ZNF462: variants seen among roughly 807,000 people sequenced by gnomAD.
ZNF462 encodes the protein zinc finger PBX1-interacting protein.
In ZNF462, 10 loss-of-function variants were observed where a neutral mutation model predicts 201.9. The ratio of observed to expected loss-of-function variants is 0.05; its 90% CI spans 0.03 to 0.08. The LOEUF (loss-of-function observed/expected upper bound fraction) is 0.08. Ranked by LOEUF, ZNF462 falls within the 10% of genes least tolerant of loss-of-function variation. ZNF462 has a pLI of 1.00. For synonymous variants in ZNF462, 1,227 were observed against 1,193.3 expected (o/e 1.03, Z -0.58); for missense variants, 2,523 against 3,168.3 (o/e 0.80, Z 4.89).
At chr9:106,953,693 A>C (rs528750861) in intron 7 of ZNF462, among the ~76,000 whole-genome samples, 3 of 152,122 alleles carry the variant, frequency 2.0e-5, no homozygotes, top group Admixed American at 2.0e-4. Context: ...CCCTCTTCTG[A>C]TGCCACCAAT....
rs1354438183 is a variant in ZNF462, at chr9:106,944,266, T to C, written c.6427+5159T>C. Among the ~76,000 whole-genome samples the C allele has an allele frequency of 2.6e-5, 4 of 152,328 alleles. No individual in the cohort carries two copies. In the South Asian group the frequency reaches 6.2e-4, roughly 24 times the overall value. ...GTTAAATTCAGATTCAAAGATGATA[T>C]AGCGATAAACTGACCAACAAAACTT... On this transcript the variant is annotated intron_variant, in intron 7 of 12. Coordinates refer to ENST00000277225, the MANE Select transcript of ZNF462 (RefSeq NM_021224.6).
At chr9:106,942,546 T>C (rs1177554428) in intron 7 of ZNF462, among the ~76,000 whole-genome samples, 2 of 152,232 alleles carry the variant, frequency 1.3e-5, no homozygotes, top group Admixed American at 1.3e-4. Flanking sequence ...ATGTAATTGC[T>C]ATTCTAAACA....
At chr9:106,911,113 A>AG (rs1381836429) in intron 1 of ZNF462, among the ~76,000 whole-genome samples, 1 of 152,118 alleles carries the variant, frequency 6.6e-6, no homozygotes, top group Non-Finnish European at 1.5e-5. Flanking sequence ...TTTTTAAGGG[A>AG]GGTAGGTATC....
At position 106,865,866 on chromosome 9, in the gene ZNF462, G is replaced by C. The variant is rs1431707596; in HGVS notation, c.-31+2511G>C. Among the ~76,000 whole-genome samples, 1 of 152,200 alleles carries C rather than the reference G, an allele frequency of 6.6e-6. No individual in the cohort carries two copies. Among genetic ancestry groups the C allele is most frequent in the Non-Finnish European group, 1.5e-5 (1 of 68,038 alleles). On this transcript the variant is annotated intron_variant, in intron 1 of 12. Coordinates refer to ENST00000277225, the MANE Select transcript of ZNF462 (RefSeq NM_021224.6). This position sits in a 1 kb window ranked among gnomAD's most constrained non-coding sequence, Gnocchi z 4.1. ...CCCTAGTCCACACACATTGATGGGAGCTCTTCACATATTAGTTTTAGAGAA... is the reference window on the plus strand; with the variant it reads ...CCCTAGTCCACACACATTGATGGGACCTCTTCACATATTAGTTTTAGAGAA...
intron 1 of ZNF462, 104 bp downstream of exon 1, chr9:106,863,459 A>T: frequency 4.2e-6 from 1 of 240,358 alleles, no homozygotes; most frequent in East Asian, 7.3e-5. Flanking sequence ...TCGGCCAAGG[A>T]GGGTTGGAGG....
chr9:106,974,009 ATT>A lies in ZNF462; in HGVS notation c.6696-120_6696-119del. On this transcript the variant is annotated intron_variant, in intron 8 of 12. Transcript: ENST00000277225. The surrounding 1 kb of genome is among the most constrained non-coding windows in gnomAD (Gnocchi z 4.0). The stretch of plus-strand genomic sequence containing the variant: ...GGTGGTCAACAAACATGATGAACAG[ATT>A]TTTTTTTAGCCCCACAAGCAGGAGA... 5 of 1,231,808 alleles carry A rather than the reference ATT, an allele frequency of 4.1e-6. No individual in the cohort carries two copies. In the South Asian group the frequency reaches 7.2e-5, roughly 18 times the overall value. The allele number at this position is 1,231,808 out of a possible 1,614,324, so 76.3% of individuals were successfully genotyped here. A position where few individuals can be genotyped will look rare whatever the true frequency, so the allele number is the denominator to read the frequency against.
rs1203072651 is a variant in ZNF462, at chr9:106,970,214, A to G, written c.6428-1791A>G. On this transcript the variant is annotated intron_variant, in intron 7 of 12. Coordinates refer to ENST00000277225, the MANE Select transcript of ZNF462 (RefSeq NM_021224.6). This position sits in a 1 kb window ranked among gnomAD's most constrained non-coding sequence, Gnocchi z 4.2. ...CCTTTGTCTTCCATTTACACCTGGT[A>G]ATGAACCTATGGAGGCTTGGAGACA... Among the ~76,000 whole-genome samples the G allele has an allele frequency of 3.3e-5, 5 of 152,214 alleles. No individual in the cohort carries two copies. The highest frequency in any genetic ancestry group is 6.5e-5 in the Admixed American group (1 of 15,284).
chr9:106,874,717 A>G (rs1040666035), intron 1 of ZNF462, among the ~76,000 whole-genome samples: 3 of 152,180 alleles, frequency 2.0e-5, no homozygotes, highest in African/African-American at 7.2e-5. Context: ...CATTCATTCC[A>G]TCTTCTCCCG....
At chr9:107,000,859 C>T (rs1829133950) in intron 10 of ZNF462, among the ~76,000 whole-genome samples, 1 of 152,252 alleles carries the variant, frequency 6.6e-6, no homozygotes, top group Non-Finnish European at 1.5e-5. Context: ...AGATCTCCTT[C>T]TGTCACCAAG....
intron 7 of ZNF462, among the ~76,000 whole-genome samples, chr9:106,952,202 C>A (rs1214017577): frequency 3.9e-5 from 6 of 152,124 alleles, no homozygotes; most frequent in Non-Finnish European, 8.8e-5. Context: ...CCCTATCACA[C>A]ATGCATGTCC....
chr9:106,937,470 C>T (rs553614950), intron 6 of ZNF462, among the ~76,000 whole-genome samples: 2 of 152,200 alleles, frequency 1.3e-5, no homozygotes, highest in Non-Finnish European at 2.9e-5. Context: ...TTTCACTGGT[C>T]CACAAAACTT....
chr9:106,927,204 T>TGGGCC lies in ZNF462; in HGVS notation c.3292_3293insGGGCC (p.Ser1098TrpfsTer45). 6.4e-7 allele frequency: 1 copy of TGGGCC among 1,570,552 alleles called. No individual in the cohort carries two copies. Among genetic ancestry groups the TGGGCC allele is most frequent in the Non-Finnish European group, 8.7e-7 (1 of 1,149,914 alleles). On this transcript the variant is annotated frameshift_variant, in exon 3 of 13. Transcript: ENST00000277225. LOFTEE classifies it high-confidence loss of function. ...GTCTCCCAAAATGTCCAACATGGGT[T>TGGGCC]CCCCACCCCCCCCACAACCCCCGCC...
At chr9:106,976,683 A>G (rs1206804581) in intron 9 of ZNF462, 1 of 152,196 alleles carries the variant, frequency 6.6e-6, no homozygotes, top group African/African-American at 2.4e-5. Flanking sequence ...TTTGAGGATT[A>G]ATAGTAATAA....
At position 106,932,216 on chromosome 9, in the gene ZNF462, ATATT is replaced by A. The variant is rs2131548138; in HGVS notation, c.6013-224_6013-221del. 6.5e-7 allele frequency: 1 copy of A among 1,545,316 alleles called. No homozygotes were observed. The highest frequency in any genetic ancestry group is 1.4e-5 in the African/African-American group (1 of 72,978). Reference sequence around the variant, plus strand: ...AGAAAGCTGGAGGCAATGATGATGGATATTTATTTTGTTGGTGGGGCATGTGTGT... The same window carrying A: ...AGAAAGCTGGAGGCAATGATGATGGATATTTTGTTGGTGGGGCATGTGTGT... On this transcript the variant is annotated intron_variant, in intron 4 of 12. Coordinates refer to ENST00000277225, the MANE Select transcript of ZNF462 (RefSeq NM_021224.6). This position sits in a 1 kb window ranked among gnomAD's most constrained non-coding sequence, Gnocchi z 6.8.
In ZNF462 at chr9:106,926,773, A is replaced by G. The variant is rs1830210065; in HGVS notation, c.2861A>G (p.Asn954Ser). The G allele has an allele frequency of 1.2e-6, 2 of 1,614,108 alleles. No individual in the cohort carries two copies. Among genetic ancestry groups the G allele is most frequent in the South Asian group, 1.1e-5 (1 of 91,082 alleles). ...AGAATGCATCCCACGGTGAAGATCA[A>G]CAACGCGATGATATTTTCAAGCTAT... ...YQRMHPTVKI[N>S]NAMIFSSYVV... Residue 954 changes from asparagine (N) to serine (S), a missense_variant, in exon 3 of 13, where the codon AAC becomes AGC. Physicochemically the swap from Asn to Ser is conservative, Grantham distance 46. Coordinates refer to ENST00000277225, the MANE Select transcript of ZNF462 (RefSeq NM_021224.6). This position sits in a 1 kb window ranked among gnomAD's most constrained non-coding sequence, Gnocchi z 7.9.
At position 106,927,210 on chromosome 9, in the gene ZNF462, C is replaced by G. The variant is rs76712188; in HGVS notation, c.3298C>G (p.Pro1100Ala). Reference protein sequence around the residue: ...SPKMSNMGSPPPPQPPPPDLS... With the variant: ...SPKMSNMGSPAPPQPPPPDLS... Reference sequence around the variant, plus strand: ...CAAAATGTCCAACATGGGTTCCCCACCCCCCCCACAACCCCCGCCACCAGA... The same window carrying G: ...CAAAATGTCCAACATGGGTTCCCCAGCCCCCCCACAACCCCCGCCACCAGA... The change falls in exon 3 of 13, where the codon CCC (proline) becomes GCC (alanine). Residue 1100 changes from proline (P) to alanine (A), a missense_variant. By Grantham distance (27) the Pro-to-Ala change is conservative. Coordinates refer to ENST00000277225, the MANE Select transcript of ZNF462 (RefSeq NM_021224.6). 6.4e-7 allele frequency: 1 copy of G among 1,565,678 alleles called. No individual in the cohort carries two copies. Among genetic ancestry groups the G allele is most frequent in the Admixed American group, 1.7e-5 (1 of 57,834 alleles).
chr9:106,977,920 G>A lies in ZNF462; in HGVS notation c.6832+3647G>A, dbSNP rs898340552. Among the ~76,000 whole-genome samples, 1 of 151,592 alleles carries A rather than the reference G, an allele frequency of 6.6e-6. No individual in the cohort carries two copies. On this transcript the variant is annotated intron_variant, in intron 9 of 12. Coordinates refer to ENST00000277225, the MANE Select transcript of ZNF462 (RefSeq NM_021224.6). The surrounding 1 kb of genome is among the most constrained non-coding windows in gnomAD (Gnocchi z 4.6). ...ACTCTGAAATCAAGGTGTTGACAGA[G>A]CTGTGTTTCCTCTGAAGGCACAAGA... is the stretch of plus-strand genomic sequence containing the variant.
chr9:106,866,431 G>A (rs1827333864), intron 1 of ZNF462, among the ~76,000 whole-genome samples: 1 of 152,088 alleles, frequency 6.6e-6, no homozygotes, highest in African/African-American at 2.4e-5. Flanking sequence ...GAGGGTTATT[G>A]TTCTTCTGAG....
chr9:106,965,687 TGTG>T (rs1465550190), intron 7 of ZNF462, among the ~76,000 whole-genome samples: 2 of 152,014 alleles, frequency 1.3e-5, no homozygotes, highest in African/African-American at 4.8e-5. Context: ...CAGTTCTCAA[TGTG>T]GTGAGTTTCA....
Sources: allele counts gnomAD v4.1 joint callset (sites outside exome capture counted in the v4.1 genomes callset), GRCh38; gene constraint gnomAD v4.1.1; non-coding constraint Gnocchi (gnomAD v3.1); transcripts MANE v1.5; gene names NCBI Gene and HGNC (gene_info 2026-07-23, HGNC 2026-07-21).